CDH8: variants seen among roughly 807,000 people sequenced by gnomAD.
The protein encoded by CDH8 is cadherin-8.
A neutral mutation model predicts 68.1 loss-of-function variants in CDH8; 17 were observed. That is an observed-to-expected ratio of 0.25 (90% CI 0.17 to 0.37). The LOEUF is 0.37. Ranked by LOEUF, CDH8 falls within the 10% of genes least tolerant of loss-of-function variation. CDH8 has a pLI of 1.00. For synonymous variants in CDH8, 372 were observed against 365.1 expected (o/e 1.02, Z -0.21); for missense variants, 763 against 999.3 (o/e 0.76, Z 3.19).
Position 61,848,597 on chromosome 16 carries a change from A to G in CDH8, c.667+8522T>C, listed in dbSNP as rs143965083. The stretch of plus-strand genomic sequence containing the variant: ...TCTTCCACAGAAGACAACAAATGGG[A>G]AAATAAGTGATTGTTAAGTCATTGT... On this transcript the variant is annotated intron_variant, in intron 4 of 11. Transcript: ENST00000577390. 4.6e-5 allele frequency among the ~76,000 whole-genome samples: 7 copies of G among 152,206 alleles called. No homozygotes were observed. The East Asian group carries it at 1.4e-3, about 29-fold the overall frequency.
At chr16:62,032,331 G>A (rs1399998859) in intron 1 of CDH8, among the ~76,000 whole-genome samples, 2 of 152,114 alleles carry the variant, frequency 1.3e-5, no homozygotes, top group Non-Finnish European at 2.9e-5. Context: ...CTGTGTATAT[G>A]TGTGTGTGTT....
At chr16:61,846,087 T>C (rs904831805) in intron 4 of CDH8, among the ~76,000 whole-genome samples, 2 of 152,120 alleles carry the variant, frequency 1.3e-5, no homozygotes, top group Non-Finnish European at 2.9e-5. Flanking sequence ...CTGAATATGC[T>C]TTGCAAATGA....
chr16:61,733,676 C>T (rs1040521886), intron 8 of CDH8, among the ~76,000 whole-genome samples: 4 of 151,862 alleles, frequency 2.6e-5, no homozygotes, highest in Admixed American at 2.6e-4. Flanking sequence ...CAGTGCCCTT[C>T]CCACCCTTCC....
intron 7 of CDH8, among the ~76,000 whole-genome samples, chr16:61,792,747 A>G (rs920986641): frequency 2.6e-5 from 4 of 151,990 alleles, no homozygotes; most frequent in Non-Finnish European, 5.9e-5. Flanking sequence ...TAAAATGGGG[A>G]TAGTAATAGT....
chr16:61,913,990 T>C (rs568691023), intron 2 of CDH8, among the ~76,000 whole-genome samples: 1 of 152,182 alleles, frequency 6.6e-6, no homozygotes, highest in South Asian at 2.1e-4. Flanking sequence ...TAAACAAAAA[T>C]GATTATGTTG....
intron 10 of CDH8, among the ~76,000 whole-genome samples, chr16:61,670,652 C>G (rs942622815): frequency 6.6e-6 from 1 of 151,858 alleles, no homozygotes; most frequent in African/African-American, 2.4e-5. Context: ...AAATAAATAC[C>G]TATACATACT....
At chr16:61,661,013 C>T (rs1421132816) in intron 10 of CDH8, among the ~76,000 whole-genome samples, 5 of 151,794 alleles carry the variant, frequency 3.3e-5, no homozygotes, top group Admixed American at 6.6e-5. Context: ...CAATAAGTAT[C>T]TACTTAAAAA....
chr16:61,660,384 A>AGAT (rs2142752893), intron 10 of CDH8, among the ~76,000 whole-genome samples: 2 of 152,170 alleles, frequency 1.3e-5, no homozygotes, highest in African/African-American at 4.8e-5. Context: ...GTGAACTCAA[A>AGAT]GATAGAACAA....
At chr16:61,776,129 CA>C (rs1392381731) in intron 8 of CDH8, among the ~76,000 whole-genome samples, 1 of 151,966 alleles carries the variant, frequency 6.6e-6, no homozygotes, top group African/African-American at 2.4e-5. Context: ...AAAGGGAAGG[CA>C]GGGGGATGAA....
chr16:61,667,390 T>G (rs562275662), intron 10 of CDH8: 1 of 152,116 alleles, frequency 6.6e-6, no homozygotes, highest in African/African-American at 2.4e-5. Context: ...CAATTTACAA[T>G]TATACACAAA....
At chr16:61,705,361 C>A (rs1964507017) in intron 10 of CDH8, among the ~76,000 whole-genome samples, 1 of 152,184 alleles carries the variant, frequency 6.6e-6, no homozygotes, top group Admixed American at 6.5e-5. Flanking sequence ...ATGAACCTCA[C>A]ATAATGCAAC....
At chr16:62,018,210 T>C (rs993382930) in intron 2 of CDH8, among the ~76,000 whole-genome samples, 4 of 152,192 alleles carry the variant, frequency 2.6e-5, no homozygotes, top group Admixed American at 1.3e-4. Flanking sequence ...AGGAGCTTTC[T>C]CAGCATCCAG....
intron 1 of CDH8, among the ~76,000 whole-genome samples, chr16:62,023,743 G>T (rs1049857538): frequency 6.6e-6 from 1 of 152,162 alleles, no homozygotes. Context: ...GGAAAGACCT[G>T]TGCCATTTAA....
intron 1 of CDH8, among the ~76,000 whole-genome samples, chr16:62,029,253 C>T (rs1270317163): frequency 1.3e-5 from 2 of 152,020 alleles, no homozygotes; most frequent in African/African-American, 2.4e-5. Flanking sequence ...AGTGCTTAAC[C>T]GAAAATATTT....
intron 2 of CDH8, among the ~76,000 whole-genome samples, chr16:61,979,068 A>G (rs1371784288): frequency 6.6e-6 from 1 of 151,968 alleles, no homozygotes; most frequent in Admixed American, 6.6e-5. Context: ...AAAAAAAAAA[A>G]GCAGAGAGAA....
chr16:61,973,704 C>G (rs1965383854), intron 2 of CDH8, among the ~76,000 whole-genome samples: 1 of 152,132 alleles, frequency 6.6e-6, no homozygotes, highest in Non-Finnish European at 1.5e-5. Context: ...AATAGATAAA[C>G]CAGAGATGTC....
rs373009985 is a variant in CDH8, at chr16:61,708,376, A to G, written c.1654+5465T>C. ...AAATTGTTTTCCATAACATACACTA[A>G]AAAATAGATACCCACAGCAGTGCTA... is the stretch of plus-strand genomic sequence containing the variant. On this transcript the variant is annotated intron_variant, in intron 10 of 11. Coordinates refer to ENST00000577390, the MANE Select transcript of CDH8 (RefSeq NM_001796.5). 8.1e-4 allele frequency among the ~76,000 whole-genome samples: 124 copies of G among 152,316 alleles called. 1 individual carries two copies. The highest frequency in any genetic ancestry group is 2.9e-3 in the African/African-American group (119 of 41,574).
intron 4 of CDH8, among the ~76,000 whole-genome samples, chr16:61,825,820 G>A (rs901210545): frequency 1.6e-4 from 24 of 151,816 alleles, no homozygotes; most frequent in Non-Finnish European, 3.2e-4. Flanking sequence ...GGAAGATATA[G>A]GAAAAGGTGT....
intron 4 of CDH8, among the ~76,000 whole-genome samples, chr16:61,842,856 C>T (rs1184291022): frequency 6.6e-6 from 1 of 152,128 alleles, no homozygotes; most frequent in African/African-American, 2.4e-5. Context: ...AATATTTGCA[C>T]ATGTGAAAAT....
Sources: allele counts gnomAD v4.1 joint callset (sites outside exome capture counted in the v4.1 genomes callset), GRCh38; gene constraint gnomAD v4.1.1; transcripts MANE v1.5; gene names NCBI Gene and HGNC (gene_info 2026-07-23, HGNC 2026-07-21).